The following PLA2G4A variants were observed in gnomAD, a reference collection of about 807,000 sequenced individuals.
The protein encoded by PLA2G4A is cytosolic phospholipase A2.
PLA2G4A carries 40 observed loss-of-function variants against 81.9 expected under a neutral mutation model. The observed-to-expected ratio is 0.49, with a 90% CI of 0.38 to 0.64. PLA2G4A has a LOEUF of 0.64. Ranked by LOEUF, PLA2G4A falls within the 30% of genes least tolerant of loss-of-function variation. The pLI, the probability that PLA2G4A is intolerant of heterozygous loss-of-function variation, is 0.00. For synonymous variants in PLA2G4A, 302 were observed against 296.9 expected (o/e 1.02, Z -0.18); for missense variants, 715 against 905.1 (o/e 0.79, Z 2.69).
chr1:186,834,467 A>G (rs960695563), intron 1 of PLA2G4A, among the ~76,000 whole-genome samples: 1 of 151,780 alleles, frequency 6.6e-6, no homozygotes. Flanking sequence ...TTTAGTTTTA[A>G]TGTGTATTCT....
chr1:186,831,205 A>G (rs1222568309), intron 1 of PLA2G4A, among the ~76,000 whole-genome samples: 1 of 152,116 alleles, frequency 6.6e-6, no homozygotes, highest in Non-Finnish European at 1.5e-5. Context: ...AAGACAATTC[A>G]TATTACATGA....
intron 3 of PLA2G4A, among the ~76,000 whole-genome samples, chr1:186,880,715 T>G (rs1312880359): frequency 6.6e-6 from 1 of 152,044 alleles, no homozygotes; most frequent in African/African-American, 2.4e-5. Context: ...AATAAATTAA[T>G]ATGTTTTATC....
In PLA2G4A at chr1:186,956,186, G is replaced by C. The variant is rs764956392; in HGVS notation, c.1421G>C (p.Ser474Thr). The change falls in exon 14 of 18, where the codon AGT becomes ACT. Residue 474 changes from serine (S) to threonine (T), a missense_variant. Physicochemically the swap from Ser to Thr is moderately conservative, Grantham distance 58. Transcript: ENST00000367466. ...WIHRMIMALV[S>T]DSALFNTREG... The stretch of plus-strand genomic sequence containing the variant: ...CATCGTATGATAATGGCCTTGGTGA[G>C]TGATTCAGCTTTATTCAATACCAGA... 1.9e-6 allele frequency: 3 copies of C among 1,613,898 alleles called. No homozygotes were observed. The highest frequency in any genetic ancestry group is 2.5e-6 in the Non-Finnish European group (3 of 1,179,818).
intron 1 of PLA2G4A, among the ~76,000 whole-genome samples, chr1:186,837,530 C>T (rs1177531495): frequency 6.6e-6 from 1 of 151,140 alleles, no homozygotes; most frequent in East Asian, 1.9e-4. Context: ...GAGATCAAGA[C>T]CATCCTGGCT....
Position 186,848,318 on chromosome 1 carries a change from C to T in PLA2G4A, c.-69-5968C>T, listed in dbSNP as rs535400370. Among the ~76,000 whole-genome samples the T allele has an allele frequency of 7.2e-5, 11 of 152,238 alleles. No individual in the cohort carries two copies. In the South Asian group the frequency reaches 8.3e-4, roughly 11 times the overall value. On this transcript the variant is annotated intron_variant, in intron 1 of 17. Coordinates refer to ENST00000367466, the MANE Select transcript of PLA2G4A (RefSeq NM_024420.3). ...GTAATATTTTTCTTGCCTCTATTCT[C>T]GCTCTCTCTGCATCCTTTTCCAACT... is the stretch of plus-strand genomic sequence containing the variant.
At chr1:186,899,626 T>A (rs931420009) in intron 5 of PLA2G4A, among the ~76,000 whole-genome samples, 15 of 152,056 alleles carry the variant, frequency 9.9e-5, no homozygotes, top group Admixed American at 7.9e-4. Context: ...AGCAGAAATG[T>A]GAGATGTAAG....
At chr1:186,940,804 C>T (rs1288375748) in intron 10 of PLA2G4A, among the ~76,000 whole-genome samples, 1 of 152,174 alleles carries the variant, frequency 6.6e-6, no homozygotes, top group African/African-American at 2.4e-5. Context: ...TTGCTGAACT[C>T]ATGGGTATAT....
At chr1:186,888,211 G>T (rs925040256) in intron 3 of PLA2G4A, among the ~76,000 whole-genome samples, 2 of 152,166 alleles carry the variant, frequency 1.3e-5, no homozygotes, top group Non-Finnish European at 2.9e-5. Context: ...AAAGTCTGTG[G>T]ATGTTTTAAT....
intron 13 of PLA2G4A, among the ~76,000 whole-genome samples, chr1:186,952,145 C>G (rs913996525): frequency 2.6e-4 from 39 of 152,112 alleles, no homozygotes; most frequent in African/African-American, 9.4e-4. Context: ...TGCCTAGCAT[C>G]TTTAGAATTA....
At position 186,862,497 on chromosome 1, in the gene PLA2G4A, C is replaced by A. The variant is rs189451385; in HGVS notation, c.34-7938C>A. ...AAAGTGCTGGGATTACAGGCCTGAG[C>A]CATCGCGCCTGGCCTGAACCTTTTA... On this transcript the variant is annotated intron_variant, in intron 2 of 17. Transcript: ENST00000367466. Among the ~76,000 whole-genome samples the A allele has an allele frequency of 2.4e-3, 362 of 152,214 alleles. 1 individual carries two copies. The highest frequency in any genetic ancestry group is 8.3e-3 in the African/African-American group (345 of 41,540).
At chr1:186,953,527 C>G (rs1007052506) in intron 13 of PLA2G4A, among the ~76,000 whole-genome samples, 2 of 152,028 alleles carry the variant, frequency 1.3e-5, no homozygotes, top group Non-Finnish European at 2.9e-5. Flanking sequence ...TCCTTTTATT[C>G]TCTTGAGGCT....
chr1:186,979,445 G>A lies in PLA2G4A; in HGVS notation c.2091G>A (p.Met697Ile). The A allele has an allele frequency of 6.2e-7, 1 of 1,602,422 alleles. No individual in the cohort carries two copies. Among genetic ancestry groups the A allele is most frequent in the East Asian group, 2.2e-5 (1 of 44,790 alleles). The part of the protein sequence containing the change: ...NQAFKRLHDL[M>I]HFNTLNNIDV... ...CATTCAAAAGACTACATGATCTTATGCACTTCAATACTCTGAACAACATTG... is the reference window on the plus strand; with the variant it reads ...CATTCAAAAGACTACATGATCTTATACACTTCAATACTCTGAACAACATTG... Residue 697 changes from methionine (M) to isoleucine (I), a missense_variant, in exon 17 of 18, where the codon ATG (methionine) becomes ATA (isoleucine). Transcript: ENST00000367466.
At chr1:186,913,129 C>A (rs1468692699) in intron 7 of PLA2G4A, among the ~76,000 whole-genome samples, 1 of 151,098 alleles carries the variant, frequency 6.6e-6, no homozygotes, top group Non-Finnish European at 1.5e-5. Context: ...TTAAAATTGA[C>A]CAAATTGAAG....
intron 5 of PLA2G4A, among the ~76,000 whole-genome samples, chr1:186,903,058 C>A (rs563920748): frequency 6.6e-6 from 1 of 152,006 alleles, no homozygotes; most frequent in Non-Finnish European, 1.5e-5. Flanking sequence ...CTTCCTTACA[C>A]GATTGAGGTA....
At chr1:186,883,104 T>C (rs1338484011) in intron 3 of PLA2G4A, among the ~76,000 whole-genome samples, 1 of 152,032 alleles carries the variant, frequency 6.6e-6, no homozygotes, top group Non-Finnish European at 1.5e-5. Flanking sequence ...ATTCAAGGTA[T>C]TTTTGAGGCA....
chr1:186,916,112 CT>C (rs1655127890), intron 7 of PLA2G4A, among the ~76,000 whole-genome samples: 1 of 152,150 alleles, frequency 6.6e-6, no homozygotes, highest in Admixed American at 6.5e-5. Flanking sequence ...ATTTCTGGTA[CT>C]GGCACATTTA....
chr1:186,844,465 T>C (rs1228119699), intron 1 of PLA2G4A, among the ~76,000 whole-genome samples: 1 of 152,216 alleles, frequency 6.6e-6, no homozygotes, highest in Admixed American at 6.5e-5. Context: ...TCCAGTATAG[T>C]GGAGAAAGCT....
At chr1:186,895,037 C>A (rs1654286440) in intron 5 of PLA2G4A, among the ~76,000 whole-genome samples, 1 of 152,172 alleles carries the variant, frequency 6.6e-6, no homozygotes, top group African/African-American at 2.4e-5. Flanking sequence ...CCTTAACTCT[C>A]AGCTTCTCCA....
intron 1 of PLA2G4A, among the ~76,000 whole-genome samples, chr1:186,840,942 A>G (rs533965280): frequency 1.3e-5 from 2 of 152,368 alleles, no homozygotes; most frequent in Non-Finnish European, 2.9e-5. Context: ...GAAAAGATGT[A>G]GAAGTAATGC....
Sources: allele counts gnomAD v4.1 joint callset (sites outside exome capture counted in the v4.1 genomes callset), GRCh38; gene constraint gnomAD v4.1.1; transcripts MANE v1.5; gene names NCBI Gene and HGNC (gene_info 2026-07-23, HGNC 2026-07-21).